Variants in CIMIP6 observed in about 807,000 individuals in gnomAD.
The protein encoded by CIMIP6 is uncharacterized protein C2orf73.
the CIMIP6 span, among the ~76,000 whole-genome samples, chr2:54,376,021 C>A: frequency 6.6e-6 from 1 of 152,030 alleles, no homozygotes; most frequent in Non-Finnish European, 1.5e-5. Flanking sequence ...TTTACAGTGA[C>A]AAAAATTGTT....
the CIMIP6 span, chr2:54,360,576 G>A: frequency 4.1e-6 from 6 of 1,462,306 alleles, no homozygotes; most frequent in South Asian, 4.4e-5. Context: ...ACCTTCTTCA[G>A]ATAAAAATCT....
At chr2:54,351,136 C>T in the CIMIP6 span, among the ~76,000 whole-genome samples, 3 of 152,124 alleles carry the variant, frequency 2.0e-5, no homozygotes, top group East Asian at 1.9e-4. Context: ...ACATTTAACT[C>T]AAGTTGAACA....
chr2:54,353,200 C>T, the CIMIP6 span, among the ~76,000 whole-genome samples: 1 of 152,286 alleles, frequency 6.6e-6, no homozygotes, highest in East Asian at 1.9e-4. Flanking sequence ...ATAGCATATA[C>T]ATTTCCAGTT....
the CIMIP6 span, among the ~76,000 whole-genome samples, chr2:54,370,800 G>T: frequency 3.3e-5 from 5 of 152,324 alleles, no homozygotes; most frequent in African/African-American, 9.6e-5. Flanking sequence ...GAACTTCCTG[G>T]AAGTCTTGAG....
At chr2:54,351,796 TTC>T in the CIMIP6 span, among the ~76,000 whole-genome samples, 4 of 152,290 alleles carry the variant, frequency 2.6e-5, no homozygotes, top group South Asian at 4.1e-4. Context: ...AGTTACTATA[TTC>T]TGTTTTCTTC....
At chr2:54,350,641 C>T in the CIMIP6 span, among the ~76,000 whole-genome samples, 4 of 152,134 alleles carry the variant, frequency 2.6e-5, no homozygotes, top group Non-Finnish European at 4.4e-5. Flanking sequence ...CCCACATTTA[C>T]GGGGAGGGGA....
chr2:54,343,690 A>G, the CIMIP6 span: 1 of 1,536,580 alleles, frequency 6.5e-7, no homozygotes, highest in Non-Finnish European at 8.7e-7. Context: ...ACAGTATCCA[A>G]TATTGTGTTT....
the CIMIP6 span, among the ~76,000 whole-genome samples, chr2:54,380,508 A>G: frequency 1.3e-5 from 2 of 152,088 alleles, no homozygotes; most frequent in African/African-American, 4.8e-5. Flanking sequence ...CTGATTGATA[A>G]CTTTCTATAT....
the CIMIP6 span, among the ~76,000 whole-genome samples, chr2:54,337,943 C>A: frequency 6.6e-6 from 1 of 152,012 alleles, no homozygotes; most frequent in Non-Finnish European, 1.5e-5. Context: ...ATAGCCTGGG[C>A]AACATGGTGA....
At chr2:54,373,571 G>A in the CIMIP6 span, among the ~76,000 whole-genome samples, 3 of 152,102 alleles carry the variant, frequency 2.0e-5, no homozygotes, top group African/African-American at 7.2e-5. Context: ...GCTTCTAGGA[G>A]CTCCTCTGCT....
the CIMIP6 span, among the ~76,000 whole-genome samples, chr2:54,382,381 T>C: frequency 6.6e-6 from 1 of 152,152 alleles, no homozygotes. Context: ...ATATAAACAA[T>C]GAAGAATTAA....
At chr2:54,377,693 G>C in the CIMIP6 span, among the ~76,000 whole-genome samples, 7 of 152,200 alleles carry the variant, frequency 4.6e-5, no homozygotes, top group African/African-American at 1.7e-4. Flanking sequence ...CCATAGGTAT[G>C]TTTGTGTGGC....
chr2:54,368,350 T>C, the CIMIP6 span, among the ~76,000 whole-genome samples: 7 of 151,830 alleles, frequency 4.6e-5, no homozygotes, highest in South Asian at 1.4e-3. Flanking sequence ...CAGTAATTCT[T>C]ATATGCACTA....
At chr2:54,381,484 T>C in the CIMIP6 span, among the ~76,000 whole-genome samples, 1 of 152,238 alleles carries the variant, frequency 6.6e-6, no homozygotes, top group Non-Finnish European at 1.5e-5. Context: ...CAGGGAACGT[T>C]ACTGTTCCCA....
the CIMIP6 span, among the ~76,000 whole-genome samples, chr2:54,341,263 A>G: frequency 6.6e-6 from 1 of 152,160 alleles, no homozygotes; most frequent in Admixed American, 6.5e-5. Flanking sequence ...AGGTCATGAA[A>G]GCTCCACCCT....
chr2:54,366,469 C>T, the CIMIP6 span, among the ~76,000 whole-genome samples: 2 of 152,164 alleles, frequency 1.3e-5, no homozygotes, highest in East Asian at 3.8e-4. Context: ...CTACTCCTAA[C>T]TTATACAATG....
the CIMIP6 span, among the ~76,000 whole-genome samples, chr2:54,341,163 A>G: frequency 6.6e-6 from 1 of 152,174 alleles, no homozygotes; most frequent in African/African-American, 2.4e-5. Context: ...ATTTACTGCT[A>G]TGGTTTGAAT....
At chr2:54,375,428 C>G in the CIMIP6 span, among the ~76,000 whole-genome samples, 1 of 152,010 alleles carries the variant, frequency 6.6e-6, no homozygotes, top group East Asian at 1.9e-4. Context: ...ACAAATGTTC[C>G]CCTATAGTTG....
chr2:54,344,164 T>G, the CIMIP6 span, among the ~76,000 whole-genome samples: 1 of 152,306 alleles, frequency 6.6e-6, no homozygotes, highest in African/African-American at 2.4e-5. Flanking sequence ...CCACCACATT[T>G]TAAGAGTTGT....
Sources: allele counts gnomAD v4.1 joint callset (sites outside exome capture counted in the v4.1 genomes callset), GRCh38; gene constraint gnomAD v4.1.1; transcripts MANE v1.5; gene names NCBI Gene and HGNC (gene_info 2026-07-23, HGNC 2026-07-21).